Variants in TYR observed in about 807,000 individuals in gnomAD.
TYR encodes tyrosinase.
In TYR, 58 loss-of-function variants were observed where a neutral mutation model predicts 51.5. The observed-to-expected ratio is 1.13, with a 90% CI of 0.91 to 1.40. The LOEUF (loss-of-function observed/expected upper bound fraction) is 1.40, where lower values mean the gene tolerates loss of function less well. Among genes scored for constraint, TYR ranks in the 40% most tolerant of loss-of-function variants. The pLI is 0.00. For missense variants in TYR, 732 were observed against 647.4 expected (o/e 1.13, Z -1.42); for synonymous variants, 263 against 235.2 (o/e 1.12, Z -1.08).
At chr11:89,194,955 G>A (rs1943495621) in intron 2 of TYR, among the ~76,000 whole-genome samples, 1 of 152,070 alleles carries the variant, frequency 6.6e-6, no homozygotes, top group Admixed American at 6.6e-5. Flanking sequence ...TCTTTCATTG[G>A]GAAGGAAACT....
chr11:89,262,846 C>CTAAAAA (rs1186728580), intron 3 of TYR, among the ~76,000 whole-genome samples: 2 of 34,210 alleles, frequency 5.8e-5, no homozygotes, highest in Non-Finnish European at 4.5e-5. Flanking sequence ...AGCTACTCAT[C>CTAAAAA]CAAAAAAAAA....
chr11:89,184,550 T>C (rs1386214659), intron 1 of TYR, among the ~76,000 whole-genome samples: 1 of 152,158 alleles, frequency 6.6e-6, no homozygotes, highest in Non-Finnish European at 1.5e-5. Flanking sequence ...AAATATCATA[T>C]GGCCCTAAGA....
intron 2 of TYR, among the ~76,000 whole-genome samples, chr11:89,225,112 A>G (rs1943960872): frequency 6.6e-6 from 1 of 151,882 alleles, no homozygotes; most frequent in African/African-American, 2.4e-5. Context: ...TTTTTGTTAC[A>G]GAGAATTTTG....
intron 3 of TYR, among the ~76,000 whole-genome samples, chr11:89,275,622 A>G (rs1057180365): frequency 3.2e-4 from 48 of 152,056 alleles, no homozygotes; most frequent in African/African-American, 1.1e-3. Context: ...TGAGCAAAGA[A>G]CAATTTATGA....
chr11:89,242,465 C>T (rs1011440103), intron 3 of TYR, among the ~76,000 whole-genome samples: 2 of 152,074 alleles, frequency 1.3e-5, no homozygotes, highest in African/African-American at 2.4e-5. Context: ...CCATCTCGGC[C>T]TTCCAAAGTG....
At chr11:89,228,714 T>G (rs1253570713) in intron 3 of TYR, among the ~76,000 whole-genome samples, 3 of 152,206 alleles carry the variant, frequency 2.0e-5, no homozygotes, top group African/African-American at 7.2e-5. Flanking sequence ...ACTGTCCTAT[T>G]TAATGTGATT....
chr11:89,210,636 G>A (rs561809301), intron 2 of TYR, among the ~76,000 whole-genome samples: 3 of 152,172 alleles, frequency 2.0e-5, no homozygotes, highest in African/African-American at 7.2e-5. Flanking sequence ...GATACTCCTC[G>A]AGAAGAGCAA....
In TYR at chr11:89,183,542, C is replaced by T. The variant is rs143335628; in HGVS notation, c.819+4770C>T. ...AAGAGTATAGTCTTTTCAGTCACAT[C>T]AGCATGAATTTGAGTGAACTTTCAT... is the stretch of plus-strand genomic sequence containing the variant. On this transcript the variant is annotated intron_variant, in intron 1 of 4. Transcript: ENST00000263321. Among the ~76,000 whole-genome samples the T allele has an allele frequency of 7.4e-4, 112 of 152,176 alleles. 2 individuals are homozygous for T. Among genetic ancestry groups the T allele is most frequent in the African/African-American group, 2.4e-3 (99 of 41,550 alleles).
intron 2 of TYR, among the ~76,000 whole-genome samples, chr11:89,193,117 T>C (rs766079784): frequency 6.6e-6 from 1 of 152,174 alleles, no homozygotes; most frequent in Non-Finnish European, 1.5e-5. Context: ...TCTGGGAGGA[T>C]TGGGTGACCC....
At chr11:89,221,041 T>TA (rs1319132198) in intron 2 of TYR, among the ~76,000 whole-genome samples, 13 of 152,360 alleles carry the variant, frequency 8.5e-5, no homozygotes, top group African/African-American at 2.6e-4. Flanking sequence ...TTCATTGTGA[T>TA]TTGTCATTGT....
intron 2 of TYR, among the ~76,000 whole-genome samples, chr11:89,208,490 T>A (rs998888633): frequency 6.6e-6 from 1 of 152,198 alleles, no homozygotes; most frequent in Non-Finnish European, 1.5e-5. Context: ...TATCAATATA[T>A]GTGAGAAAAG....
chr11:89,187,243 G>T (rs1452419390), intron 1 of TYR, among the ~76,000 whole-genome samples: 3 of 152,088 alleles, frequency 2.0e-5, no homozygotes, highest in Non-Finnish European at 2.9e-5. Flanking sequence ...GCTGCAAATT[G>T]CATAGCCAGT....
intron 3 of TYR, among the ~76,000 whole-genome samples, chr11:89,279,636 T>C (rs1233429607): frequency 6.6e-6 from 1 of 151,778 alleles, no homozygotes; most frequent in African/African-American, 2.4e-5. Context: ...ATCTGTCTTT[T>C]GTTATAGGAG....
chr11:89,263,245 G>T (rs543296543), intron 3 of TYR, among the ~76,000 whole-genome samples: 11 of 151,868 alleles, frequency 7.2e-5, no homozygotes, highest in Non-Finnish European at 1.3e-4. Context: ...ATAATAAAGA[G>T]AAAATAAAAT....
At chr11:89,198,855 C>T (rs1943559617) in intron 2 of TYR, among the ~76,000 whole-genome samples, 1 of 151,832 alleles carries the variant, frequency 6.6e-6, no homozygotes, top group East Asian at 1.9e-4. Context: ...GTGTGTGCTG[C>T]ACCCATTAAC....
In TYR at chr11:89,295,228, AG is replaced by A. The variant is rs1590909462; in HGVS notation, c.1456del (p.Ala486ProfsTer11). On this transcript the variant is annotated frameshift_variant, in exon 5 of 5. Coordinates refer to ENST00000263321, the MANE Select transcript of TYR (RefSeq NM_000372.5). LOFTEE classifies it high-confidence loss of function. ...CATGGCTCCTTGGGGCGGCGATGGT[AG>A]GGGCCGTCCTCACTGCCCTGCTGGC... ...WSWLLGAAMVGAVLTALLAGL... is the reference protein window; with the variant it reads ...WSWLLGAAMVXAVLTALLAGL... 1 of 1,613,892 alleles carries A rather than the reference AG, an allele frequency of 6.2e-7. No homozygotes were observed. Among genetic ancestry groups the A allele is most frequent in the Admixed American group, 1.7e-5 (1 of 60,000 alleles).
chr11:89,256,026 C>T (rs1590881730), intron 3 of TYR, among the ~76,000 whole-genome samples: 1 of 151,332 alleles, frequency 6.6e-6, no homozygotes. Context: ...CATTAAACTG[C>T]CATATATTGT....
intron 3 of TYR, among the ~76,000 whole-genome samples, chr11:89,264,544 G>T (rs1944501408): frequency 6.6e-6 from 1 of 151,798 alleles, no homozygotes; most frequent in South Asian, 2.1e-4. Flanking sequence ...AATACCATTC[G>T]ACCCAGCAAT....
intron 2 of TYR, among the ~76,000 whole-genome samples, chr11:89,198,896 G>GCTAT (rs2135259662): frequency 6.6e-6 from 1 of 152,092 alleles, no homozygotes; most frequent in Non-Finnish European, 1.5e-5. Context: ...ATCTCCTAAT[G>GCTAT]CTATCCCTTC....
Sources: allele counts gnomAD v4.1 joint callset (sites outside exome capture counted in the v4.1 genomes callset), GRCh38; gene constraint gnomAD v4.1.1; transcripts MANE v1.5; gene names NCBI Gene and HGNC (gene_info 2026-07-23, HGNC 2026-07-21).